The following GRIK4 variants were observed in gnomAD, a reference collection of about 807,000 sequenced individuals.
GRIK4 encodes glutamate receptor ionotropic, kainate 4.
A neutral mutation model predicts 104.9 loss-of-function variants in GRIK4; 40 were observed. That is an observed-to-expected ratio of 0.38 (90% CI 0.30 to 0.50). GRIK4 has a LOEUF of 0.50. Ranked by LOEUF, GRIK4 falls within the 20% of genes least tolerant of loss-of-function variation. The pLI is 0.93. For synonymous variants in GRIK4, 485 were observed against 524.9 expected (o/e 0.92, Z 1.04); for missense variants, 1,047 against 1,308.1 (o/e 0.80, Z 3.08).
chr11:120,608,893 A>G (rs896414149), intron 1 of GRIK4, among the ~76,000 whole-genome samples: 1 of 152,156 alleles, frequency 6.6e-6, no homozygotes, highest in Non-Finnish European at 1.5e-5. Context: ...TGCCAGCAGG[A>G]GCCTTTTTTT....
chr11:120,579,423 G>C lies in GRIK4; in HGVS notation c.-159+67536G>C, dbSNP rs140620484. The stretch of plus-strand genomic sequence containing the variant: ...GTGGGGACAGGGTGAGTGTCTTCGA[G>C]AGAATGGACAGATGGCCAGGGTGGA... On this transcript the variant is annotated intron_variant, in intron 1 of 20. Coordinates refer to ENST00000527524, the MANE Select transcript of GRIK4 (RefSeq NM_014619.5). 7.2e-3 allele frequency among the ~76,000 whole-genome samples: 1,097 copies of C among 152,244 alleles called. 9 individuals are homozygous for C. Among genetic ancestry groups the C allele is most frequent in the Non-Finnish European group, 0.012 (797 of 68,010 alleles).
chr11:120,553,293 A>G (rs1948157260), intron 1 of GRIK4, among the ~76,000 whole-genome samples: 1 of 152,216 alleles, frequency 6.6e-6, no homozygotes, highest in South Asian at 2.1e-4. Flanking sequence ...ACAGGGGAAC[A>G]GGAGGAAACC....
At chr11:120,576,808 C>G (rs1948491272) in intron 1 of GRIK4, among the ~76,000 whole-genome samples, 1 of 152,170 alleles carries the variant, frequency 6.6e-6, no homozygotes, top group Non-Finnish European at 1.5e-5. Context: ...CAAGGCCCCT[C>G]TATGACCACC....
intron 9 of GRIK4, 75 bp from the exon 10 acceptor site, chr11:120,873,991 A>C: frequency 3.8e-6 from 5 of 1,320,668 alleles, no homozygotes; most frequent in South Asian, 2.8e-5. Flanking sequence ...CATTCCTCTT[A>C]TTTTCTCCCT....
Position 120,812,027 on chromosome 11 carries a change from G to A in GRIK4, c.248-3351G>A, listed in dbSNP as rs537408409. 1.2e-3 allele frequency among the ~76,000 whole-genome samples: 190 copies of A among 152,272 alleles called. 1 individual carries two copies. Among genetic ancestry groups the A allele is most frequent in the African/African-American group, 3.9e-3 (163 of 41,548 alleles). ...TTTTAGGACTATAATTTGCCCCACC[G>A]TTTAAAGAATGGATTGGAAATGAAG... On this transcript the variant is annotated intron_variant, in intron 4 of 20. Transcript: ENST00000527524.
At chr11:120,881,526 G>A (rs779998725) in intron 11 of GRIK4, among the ~76,000 whole-genome samples, 3 of 152,140 alleles carry the variant, frequency 2.0e-5, no homozygotes, top group Non-Finnish European at 4.4e-5. Context: ...GCTTTCAAGG[G>A]GCTGGCTCTC....
chr11:120,763,137 A>C (rs1023191575), intron 3 of GRIK4, among the ~76,000 whole-genome samples: 2 of 152,194 alleles, frequency 1.3e-5, no homozygotes, highest in African/African-American at 4.8e-5. Flanking sequence ...TTATTGGTCT[A>C]TTCAGGAATT....
In GRIK4 at chr11:120,577,942, C is replaced by G. The variant is rs1948507049; in HGVS notation, c.-159+66055C>G. ...AGCCACAGCCCAGACTTCCTTTCCT[C>G]CATCCCCTGTAGTGGCTTCTCAGAG... is the stretch of plus-strand genomic sequence containing the variant. On this transcript the variant is annotated intron_variant, in intron 1 of 20. Coordinates refer to ENST00000527524, the MANE Select transcript of GRIK4 (RefSeq NM_014619.5). 3.9e-5 allele frequency among the ~76,000 whole-genome samples: 6 copies of G among 152,314 alleles called. No homozygotes were observed. In the South Asian group the frequency reaches 1.0e-3, roughly 26 times the overall value.
intron 6 of GRIK4, among the ~76,000 whole-genome samples, chr11:120,825,169 G>A (rs961549945): frequency 6.6e-6 from 1 of 151,926 alleles, no homozygotes; most frequent in Non-Finnish European, 1.5e-5. Context: ...TAGGTCATCC[G>A]CCCACCTCAG....
intron 4 of GRIK4, among the ~76,000 whole-genome samples, chr11:120,807,505 G>A (rs747188247): frequency 4.9e-4 from 74 of 152,142 alleles, no homozygotes; most frequent in Non-Finnish European, 7.5e-4. Context: ...GGCGCGTAGC[G>A]TTCCAGCTCC....
chr11:120,750,350 CTTTTTTTTT>C (rs869135246), intron 3 of GRIK4, among the ~76,000 whole-genome samples: 6 of 76,120 alleles, frequency 7.9e-5, no homozygotes, highest in East Asian at 3.6e-4. Flanking sequence ...CTAGAAATCT[CTTTTTTTTT>C]TTTTTTTTTT....
intron 3 of GRIK4, among the ~76,000 whole-genome samples, chr11:120,782,733 G>A (rs919156909): frequency 6.6e-6 from 1 of 152,120 alleles, no homozygotes; most frequent in African/African-American, 2.4e-5. Flanking sequence ...CTGAAATGAG[G>A]GAAACTAGGG....
chr11:120,709,329 C>T (rs12274300), intron 3 of GRIK4, among the ~76,000 whole-genome samples: 2 of 151,632 alleles, frequency 1.3e-5, no homozygotes, highest in Non-Finnish European at 2.9e-5. Flanking sequence ...AGCACCTGCT[C>T]TATGCCGTGT....
At chr11:120,720,654 G>A (rs1950915926) in intron 3 of GRIK4, among the ~76,000 whole-genome samples, 1 of 152,170 alleles carries the variant, frequency 6.6e-6, no homozygotes. Context: ...AGAAGGTGCT[G>A]GCACCAGGAT....
intron 19 of GRIK4, among the ~76,000 whole-genome samples, chr11:120,974,961 A>G (rs1354451775): frequency 6.6e-6 from 1 of 152,270 alleles, no homozygotes; most frequent in East Asian, 1.9e-4. Context: ...TGGCATCCCA[A>G]TTCAAGGAGA....
Position 120,905,276 on chromosome 11 carries a change from C to T in GRIK4, c.1273-14C>T. Reference sequence around the variant, plus strand: ...GGCTAAGATGAGAATGACAGCTGCCCAGTTTTGCTGCAGGAGAACCCATAT... The same window carrying T: ...GGCTAAGATGAGAATGACAGCTGCCTAGTTTTGCTGCAGGAGAACCCATAT... On this transcript the variant is annotated splice_polypyrimidine_tract_variant and intron_variant, in intron 12 of 20. Coordinates refer to ENST00000527524, the MANE Select transcript of GRIK4 (RefSeq NM_014619.5). The surrounding 1 kb of genome is among the most constrained non-coding windows in gnomAD (Gnocchi z 5.1). The T allele has an allele frequency of 6.3e-7, 1 of 1,585,698 alleles. No homozygotes were observed. The highest frequency in any genetic ancestry group is 8.7e-7 in the Non-Finnish European group (1 of 1,154,468).
intron 3 of GRIK4, among the ~76,000 whole-genome samples, chr11:120,705,620 A>G (rs1019810105): frequency 6.6e-6 from 1 of 152,216 alleles, no homozygotes; most frequent in African/African-American, 2.4e-5. Context: ...TCAAAACAAT[A>G]TTAAGTCTTC....
chr11:120,714,167 G>A lies in GRIK4; in HGVS notation c.82+53767G>A, dbSNP rs150176779. On this transcript the variant is annotated intron_variant, in intron 3 of 20. Transcript: ENST00000527524. ...TGAGACACCATGTGGATGCAAAAGT[G>A]TATGCTATGCTCTCCCAGCCTTTCA... Among the ~76,000 whole-genome samples the A allele has an allele frequency of 2.4e-3, 363 of 152,350 alleles. 4 individuals carry two copies. Among genetic ancestry groups the A allele is most frequent in the African/African-American group, 8.5e-3 (355 of 41,574 alleles).
At chr11:120,901,773 C>T (rs1942744124) in intron 12 of GRIK4, among the ~76,000 whole-genome samples, 1 of 152,196 alleles carries the variant, frequency 6.6e-6, no homozygotes, top group Non-Finnish European at 1.5e-5. Context: ...AGTTCTGGCA[C>T]AGATCCACAG....
Sources: allele counts gnomAD v4.1 joint callset (sites outside exome capture counted in the v4.1 genomes callset), GRCh38; gene constraint gnomAD v4.1.1; non-coding constraint Gnocchi (gnomAD v3.1); transcripts MANE v1.5; gene names NCBI Gene and HGNC (gene_info 2026-07-23, HGNC 2026-07-21).